Variants in ATL1 observed in about 807,000 individuals in gnomAD.
The protein encoded by ATL1 is atlastin-1.
In ATL1, 31 loss-of-function variants were observed where a neutral mutation model predicts 75.5. That is an observed-to-expected ratio of 0.41 (90% confidence interval 0.31 to 0.55). The LOEUF is 0.55. Ranked by LOEUF, ATL1 falls within the 20% of genes least tolerant of loss-of-function variation. ATL1 has a pLI of 0.27. For synonymous variants in ATL1, 226 were observed against 233.3 expected, an observed-to-expected ratio of 0.97 and a Z score of 0.28; for missense variants, 405 against 662.6, an observed-to-expected ratio of 0.61 and a Z score of 4.27.
At chr14:50,576,826 C>T (rs1242053425) in intron 1 of ATL1, among the ~76,000 whole-genome samples, 1 of 152,132 alleles carries the variant, frequency 6.6e-6, no homozygotes, top group African/African-American at 2.4e-5. Flanking sequence ...ATCCTCCTGC[C>T]TCACCTTCCC....
Position 50,630,011 on chromosome 14 carries a change from T to G in ATL1, c.1566+2T>G. The stretch of plus-strand genomic sequence containing the variant: ...TTGCCACAGGGAAGTACAAATGAGG[T>G]AAGTTAAATTTTTTAAAATTCAGAG... On this transcript the variant is annotated splice_donor_variant, in intron 13 of 13. Coordinates refer to ENST00000358385, the MANE Select transcript of ATL1 (RefSeq NM_015915.5). LOFTEE classifies it high-confidence loss of function. 6.3e-7 allele frequency: 1 copy of G among 1,594,638 alleles called. No homozygotes were observed. Among genetic ancestry groups the G allele is most frequent in the South Asian group, 1.1e-5 (1 of 88,418 alleles).
chr14:50,557,622 A>G (rs1418447776), upstream of ATL1, among the ~76,000 whole-genome samples: 2 of 152,252 alleles, frequency 1.3e-5, no homozygotes, highest in Non-Finnish European at 2.9e-5. Flanking sequence ...CCAGCATTTT[A>G]CAATAACAAA....
intron 1 of ATL1, among the ~76,000 whole-genome samples, chr14:50,587,167 C>A (rs562998307): frequency 9.2e-5 from 14 of 152,216 alleles, no homozygotes; most frequent in African/African-American, 3.1e-4. Flanking sequence ...TAAGCTATTT[C>A]TAGGGGATAA....
intron 5 of ATL1, 49 bp downstream of exon 5, chr14:50,593,945 T>C (rs368787452): frequency 3.2e-5 from 42 of 1,318,556 alleles, no homozygotes; most frequent in African/African-American, 1.3e-4. Flanking sequence ...CTTTGAAACA[T>C]GTATAGCAGA....
rs754379526 is a variant in ATL1, at chr14:50,590,926, T to G, written c.283-15T>G. ...ACATATCAAGTTCCATATCATAGAC[T>G]TTATCATTTTATAGGAATCAGTTGA... On this transcript the variant is annotated splice_polypyrimidine_tract_variant and intron_variant, in intron 2 of 13. Transcript: ENST00000358385. The G allele has an allele frequency of 1.2e-6, 2 of 1,612,862 alleles. No homozygotes were observed. The highest frequency in any genetic ancestry group is 2.2e-5 in the South Asian group (2 of 91,064).
rs1181733510 is a variant in ATL1, at chr14:50,614,430, T to TA, written c.781_782insA (p.Phe261TyrfsTer23). On this transcript the variant is annotated frameshift_variant, in exon 8 of 14. Coordinates refer to ENST00000358385, the MANE Select transcript of ATL1 (RefSeq NM_015915.5). LOFTEE classifies it high-confidence loss of function. ...CGTCAGAAAACACATCCATTCCTGT[T>TA]TCACCAACATTTCCTGTTTTCTGCT... The TA allele has an allele frequency of 6.2e-6, 10 of 1,613,922 alleles. No individual in the cohort carries two copies. Among genetic ancestry groups the TA allele is most frequent in the Non-Finnish European group, 8.5e-7 (1 of 1,179,938 alleles).
At chr14:50,592,853 C>G (rs530177637) in intron 4 of ATL1, among the ~76,000 whole-genome samples, 51 of 144,724 alleles carry the variant, frequency 3.5e-4, no homozygotes, top group African/African-American at 1.3e-3. Flanking sequence ...AGAGCACTTG[C>G]AGTGAGCCGA....
intron 1 of ATL1, among the ~76,000 whole-genome samples, chr14:50,567,835 G>A (rs988650656): frequency 5.9e-5 from 9 of 152,108 alleles, no homozygotes; most frequent in Admixed American, 4.6e-4. Flanking sequence ...ATCTCATTGT[G>A]GTTGAAGAAA....
intron 1 of ATL1, among the ~76,000 whole-genome samples, chr14:50,575,683 G>GC (rs1226118079): frequency 6.6e-6 from 1 of 152,030 alleles, no homozygotes; most frequent in Non-Finnish European, 1.5e-5. Context: ...TTGGTGGTAT[G>GC]TTTTTTTCTC....
At position 50,569,162 on chromosome 14, in the gene ATL1, C is replaced by T. The variant is rs548820085; in HGVS notation, c.34+8863C>T. 8.3e-4 allele frequency among the ~76,000 whole-genome samples: 125 copies of T among 151,232 alleles called. 1 individual carries two copies. The highest frequency in any genetic ancestry group is 1.6e-3 in the Non-Finnish European group (106 of 67,834). On this transcript the variant is annotated intron_variant, in intron 1 of 13. Coordinates refer to ENST00000358385, the MANE Select transcript of ATL1 (RefSeq NM_015915.5). ...GCCCTGGAGTTCAAGACCAGGAATT[C>T]GGGTCAATATGGCAAAACCCTTTCT...
chr14:50,542,939 G>T lies in ATL1; in HGVS notation c.-140+9572G>T, dbSNP rs79764313. On this transcript the variant is annotated intron_variant, in intron 1 of 13. Coordinates refer to the ATL1 transcript ENST00000441560. ...ATTCATGCACAGTAGCTAATAGGTT[G>T]GTCAATTACTTGGAAGGAAGAAGAT... 3.9e-5 allele frequency among the ~76,000 whole-genome samples: 6 copies of T among 152,266 alleles called. No individual in the cohort carries two copies. In the East Asian group the frequency reaches 1.2e-3, roughly 29 times the overall value.
chr14:50,539,276 C>G (rs1049171460), intron 1 of ATL1, among the ~76,000 whole-genome samples: 2 of 152,116 alleles, frequency 1.3e-5, no homozygotes, highest in African/African-American at 4.8e-5. Context: ...AGATCAATCT[C>G]TAGCACTTAG....
intron 1 of ATL1, among the ~76,000 whole-genome samples, chr14:50,553,691 G>A (rs1245508944): frequency 1.3e-5 from 2 of 152,112 alleles, no homozygotes; most frequent in Non-Finnish European, 2.9e-5. Context: ...ACAAAGATAT[G>A]GAACCAAGCT....
intron 8 of ATL1, among the ~76,000 whole-genome samples, chr14:50,619,515 T>A (rs998433548): frequency 6.6e-6 from 1 of 152,178 alleles, no homozygotes; most frequent in African/African-American, 2.4e-5. Context: ...AATTTTTCCA[T>A]ATATTTGAAA....
At chr14:50,543,208 C>T (rs1261494730) in intron 1 of ATL1, among the ~76,000 whole-genome samples, 1 of 152,236 alleles carries the variant, frequency 6.6e-6, no homozygotes, top group African/African-American at 2.4e-5. Context: ...TAGACTTCTA[C>T]TTGCCAAGGA....
chr14:50,543,673 G>A (rs1027404193), intron 1 of ATL1, among the ~76,000 whole-genome samples: 1 of 152,130 alleles, frequency 6.6e-6, no homozygotes, highest in Non-Finnish European at 1.5e-5. Flanking sequence ...TAAGGATGTA[G>A]TATAGGACTC....
intron 6 of ATL1, 144 bp from the exon 7 acceptor site, chr14:50,613,115 T>C: frequency 7.2e-6 from 5 of 694,686 alleles, no homozygotes; most frequent in Non-Finnish European, 1.3e-5. Context: ...CCAGACACTT[T>C]CAAAGGTTTT....
intron 11 of ATL1, among the ~76,000 whole-genome samples, chr14:50,623,677 T>A (rs2039489645): frequency 6.6e-6 from 1 of 152,190 alleles, no homozygotes; most frequent in African/African-American, 2.4e-5. Context: ...TTTCCTCATT[T>A]TAATACTCCA....
intron 1 of ATL1, among the ~76,000 whole-genome samples, chr14:50,546,368 G>A (rs186396772): frequency 6.6e-6 from 1 of 151,670 alleles, no homozygotes; most frequent in East Asian, 1.9e-4. Context: ...GGTACTGGGT[G>A]TGTGTGTGTG....
Sources: gnomAD v4.1 joint callset for allele counts (sites outside exome capture counted in the v4.1 genomes callset) on GRCh38, gnomAD v4.1.1 for gene constraint, MANE v1.5 for transcripts, NCBI Gene and HGNC (gene_info 2026-07-23, HGNC 2026-07-21) for gene names.